PLPPR1: variants seen among roughly 807,000 people sequenced by gnomAD.
The protein encoded by PLPPR1 is phospholipid phosphatase related 1.
PLPPR1 carries 10 observed loss-of-function variants against 33.1 expected under a neutral mutation model. The observed-to-expected ratio is 0.30, with a 90% CI of 0.19 to 0.51. The LOEUF (loss-of-function observed/expected upper bound fraction) is 0.51, where lower values mean the gene tolerates loss of function less well. Among genes scored for constraint, PLPPR1 ranks in the 20% least tolerant of loss-of-function variants. PLPPR1 has a pLI of 0.97. For synonymous variants in PLPPR1, 151 were observed against 151.0 expected, an observed-to-expected ratio of 1.00 and a Z score of 0.00; for missense variants, 304 against 408.1, an observed-to-expected ratio of 0.74 and a Z score of 2.20.
chr9:101,220,351 G>T (rs62576890), intron 2 of PLPPR1, among the ~76,000 whole-genome samples: 3,303 of 152,262 alleles, frequency 0.022, 45 homozygotes, highest in Middle Eastern at 0.068. Context: ...AACTATAAAA[G>T]GATGTTATTA....
At chr9:101,200,197 T>C (rs1308869218) in intron 2 of PLPPR1, among the ~76,000 whole-genome samples, 2 of 152,290 alleles carry the variant, frequency 1.3e-5, no homozygotes, top group East Asian at 3.9e-4. Context: ...ATAATCCAGC[T>C]TCCTCATTCC....
intron 1 of PLPPR1, among the ~76,000 whole-genome samples, chr9:101,147,694 G>A (rs1831537230): frequency 6.6e-6 from 1 of 152,204 alleles, no homozygotes; most frequent in Non-Finnish European, 1.5e-5. Context: ...TTTTGGGAGT[G>A]TGGGGGGAAG....
chr9:101,167,182 G>GTGTGTGTGTGTGTGTGTGTGTC, intron 1 of PLPPR1, among the ~76,000 whole-genome samples: 1 of 67,724 alleles, frequency 1.5e-5, no homozygotes. Flanking sequence ...GTGTGTGTGT[G>GTGTGTGTGTGTGTGTGTGTGTC]TCTTTCTCTC....
chr9:101,230,281 C>A (rs954335144), intron 2 of PLPPR1, among the ~76,000 whole-genome samples: 1 of 152,102 alleles, frequency 6.6e-6, no homozygotes, highest in Non-Finnish European at 1.5e-5. Context: ...AAATCCAATT[C>A]ATTCCACTGA....
chr9:101,101,308 G>A (rs886187027), intron 1 of PLPPR1, among the ~76,000 whole-genome samples: 6 of 151,820 alleles, frequency 4.0e-5, no homozygotes, highest in African/African-American at 1.5e-4. Context: ...AGTGTCCTTG[G>A]GTTTTCTGGC....
At chr9:101,254,576 C>G (rs1827766135) in intron 2 of PLPPR1, among the ~76,000 whole-genome samples, 1 of 152,104 alleles carries the variant, frequency 6.6e-6, no homozygotes, top group Non-Finnish European at 1.5e-5. Context: ...AATGCTGGCT[C>G]TTCCATGCTG....
At chr9:101,223,237 G>A (rs1826989801) in intron 2 of PLPPR1, among the ~76,000 whole-genome samples, 1 of 151,294 alleles carries the variant, frequency 6.6e-6, no homozygotes, top group East Asian at 1.9e-4. Context: ...TTGGGAGGCT[G>A]AAGTGGGACA....
At chr9:101,267,888 T>C (rs910820405) in intron 2 of PLPPR1, among the ~76,000 whole-genome samples, 1 of 152,186 alleles carries the variant, frequency 6.6e-6, no homozygotes, top group Non-Finnish European at 1.5e-5. Flanking sequence ...TCTGTCTGGT[T>C]TTGTTTTGTT....
intron 2 of PLPPR1, among the ~76,000 whole-genome samples, chr9:101,255,877 C>A (rs1024723701): frequency 6.6e-6 from 1 of 152,158 alleles, no homozygotes; most frequent in African/African-American, 2.4e-5. Context: ...ATTAAAGGGT[C>A]TGAACTTCAC....
chr9:101,310,329 C>A (rs940201600), intron 5 of PLPPR1, among the ~76,000 whole-genome samples: 1 of 152,162 alleles, frequency 6.6e-6, no homozygotes, highest in Admixed American at 6.5e-5. Context: ...AGTGGCAGAG[C>A]AACTGTTGGC....
chr9:101,044,328 C>A (rs548468038), intron 1 of PLPPR1, among the ~76,000 whole-genome samples: 14 of 152,302 alleles, frequency 9.2e-5, no homozygotes, highest in African/African-American at 3.4e-4. Context: ...CCCTAGACAA[C>A]TTTGCAGTTC....
At chr9:101,036,997 T>A (rs1007883621) in intron 1 of PLPPR1, among the ~76,000 whole-genome samples, 6 of 152,106 alleles carry the variant, frequency 3.9e-5, no homozygotes, top group Non-Finnish European at 4.4e-5. Context: ...TCTTATTTAA[T>A]CCTTCTGATT....
intron 1 of PLPPR1, among the ~76,000 whole-genome samples, chr9:101,153,751 A>ATT (rs3983751): frequency 0.46 from 65,550 of 143,812 alleles, 15,021 homozygotes; most frequent in Non-Finnish European, 0.51. Context: ...TTTTTTTTGT[A>ATT]TTTTTTTTTT....
rs115777204 is a variant in PLPPR1 at position 101,096,558 on chromosome 9, G to A, written c.-46+67456G>A. Among the ~76,000 whole-genome samples, 2,205 of 152,276 alleles carry A rather than the reference G, an allele frequency of 0.014. 94 individuals carry two copies. In the East Asian group the frequency reaches 0.16, roughly 11 times the overall value. On this transcript the variant is annotated intron_variant, in intron 1 of 7. Transcript: ENST00000374874. ...GTAGGTAATAGTTAAATAAGCACAT[G>A]AATATCAAAGATCAAAGTGAATAGT... is the stretch of plus-strand genomic sequence containing the variant.
At chr9:101,149,215 C>T (rs1280064101) in intron 1 of PLPPR1, among the ~76,000 whole-genome samples, 1 of 152,166 alleles carries the variant, frequency 6.6e-6, no homozygotes, top group Non-Finnish European at 1.5e-5. Context: ...TACCATAAAA[C>T]TCTATACATT....
intron 1 of PLPPR1, among the ~76,000 whole-genome samples, chr9:101,030,248 G>A (rs1829927814): frequency 6.6e-6 from 1 of 151,700 alleles, no homozygotes; most frequent in African/African-American, 2.4e-5. Flanking sequence ...TCCAGGACTG[G>A]GACAAAGGGA....
At chr9:101,034,415 G>T (rs1829984989) in intron 1 of PLPPR1, among the ~76,000 whole-genome samples, 1 of 152,100 alleles carries the variant, frequency 6.6e-6, no homozygotes, top group African/African-American at 2.4e-5. Flanking sequence ...ATACCTCAAT[G>T]GTACCACTTG....
intron 1 of PLPPR1, among the ~76,000 whole-genome samples, chr9:101,090,630 G>C (rs1394825932): frequency 1.3e-5 from 2 of 152,016 alleles, no homozygotes; most frequent in Non-Finnish European, 2.9e-5. Context: ...CAATAGTAAT[G>C]CATTCTGAAC....
intron 1 of PLPPR1, among the ~76,000 whole-genome samples, chr9:101,128,753 G>T (rs1423581758): frequency 1.3e-5 from 2 of 152,118 alleles, no homozygotes; most frequent in Non-Finnish European, 2.9e-5. Flanking sequence ...ATAATACTCT[G>T]TCTTATTGTT....
Sources: gnomAD v4.1 joint callset for allele counts (sites outside exome capture counted in the v4.1 genomes callset) on GRCh38, gnomAD v4.1.1 for gene constraint, MANE v1.5 for transcripts, NCBI Gene and HGNC (gene_info 2026-07-23, HGNC 2026-07-21) for gene names.